The following AKAP19 variants were observed in gnomAD, a reference collection of about 807,000 sequenced individuals.
AKAP19 encodes A-kinase anchoring protein 19, also known as small A-kinase anchoring protein.
At chr2:190,025,913 T>C in the AKAP19 span, among the ~76,000 whole-genome samples, 1 of 152,204 alleles carries the variant, frequency 6.6e-6, no homozygotes, top group Admixed American at 6.5e-5. Context: ...TTAAGATTTA[T>C]TCATATCGTA....
At chr2:190,100,528 A>G in the AKAP19 span, among the ~76,000 whole-genome samples, 2 of 152,212 alleles carry the variant, frequency 1.3e-5, no homozygotes, top group African/African-American at 4.8e-5. Context: ...CATACCATAA[A>G]ACAAATAACT....
chr2:189,946,689 G>A, the AKAP19 span, among the ~76,000 whole-genome samples: 3 of 152,116 alleles, frequency 2.0e-5, no homozygotes, highest in Admixed American at 6.5e-5. Context: ...CAGTAAATAG[G>A]TACATGTGTC....
the AKAP19 span, among the ~76,000 whole-genome samples, chr2:189,971,938 T>G: frequency 6.6e-6 from 1 of 151,864 alleles, no homozygotes; most frequent in Non-Finnish European, 1.5e-5. Flanking sequence ...AGGTTGCCTG[T>G]TCACTCTGAT....
the AKAP19 span, among the ~76,000 whole-genome samples, chr2:189,958,038 C>T: frequency 2.0e-5 from 3 of 152,178 alleles, no homozygotes; most frequent in Admixed American, 6.5e-5. Context: ...AGGTAATCCA[C>T]TCGCCTCAGC....
At chr2:189,997,711 G>T in the AKAP19 span, among the ~76,000 whole-genome samples, 3 of 152,174 alleles carry the variant, frequency 2.0e-5, no homozygotes, top group Non-Finnish European at 4.4e-5. Flanking sequence ...GAGAAGACAA[G>T]CACAGGTTTC....
At chr2:190,076,183 A>T in the AKAP19 span, among the ~76,000 whole-genome samples, 374 of 152,276 alleles carry the variant, frequency 2.5e-3, 2 homozygotes, top group African/African-American at 8.5e-3. Context: ...TCCTGTGTAG[A>T]TAAGTGTTTC....
chr2:190,077,121 G>A, the AKAP19 span, among the ~76,000 whole-genome samples: 1 of 150,790 alleles, frequency 6.6e-6, no homozygotes, highest in Non-Finnish European at 1.5e-5. Context: ...TCATTTTTAT[G>A]TCTTCTATTT....
the AKAP19 span, among the ~76,000 whole-genome samples, chr2:190,190,507 A>G: frequency 6.6e-6 from 1 of 152,216 alleles, no homozygotes; most frequent in Non-Finnish European, 1.5e-5. Context: ...TAAAGAGGCT[A>G]TGGATATTGG....
chr2:189,947,782 C>T, the AKAP19 span, among the ~76,000 whole-genome samples: 1 of 151,996 alleles, frequency 6.6e-6, no homozygotes, highest in African/African-American at 2.4e-5. Flanking sequence ...TAATTCTAAC[C>T]ACTCTAGCTG....
the AKAP19 span, among the ~76,000 whole-genome samples, chr2:190,110,917 C>T: frequency 1.3e-5 from 2 of 152,264 alleles, no homozygotes; most frequent in East Asian, 3.9e-4. Flanking sequence ...CATTGTAGGG[C>T]GGAGAGCTTT....
chr2:190,182,713 A>G, the AKAP19 span, among the ~76,000 whole-genome samples: 1 of 152,360 alleles, frequency 6.6e-6, no homozygotes, highest in South Asian at 2.1e-4. Context: ...GCCATCTTCA[A>G]ATAAAATAAT....
At chr2:190,102,293 C>A in the AKAP19 span, among the ~76,000 whole-genome samples, 1 of 151,734 alleles carries the variant, frequency 6.6e-6, no homozygotes, top group African/African-American at 2.4e-5. Context: ...AAAACAAGAA[C>A]AAACTAACCC....
chr2:190,081,919 C>G, the AKAP19 span, among the ~76,000 whole-genome samples: 1 of 152,150 alleles, frequency 6.6e-6, no homozygotes, highest in African/African-American at 2.4e-5. Flanking sequence ...AAACTGAGTT[C>G]CCAGCCATGA....
the AKAP19 span, among the ~76,000 whole-genome samples, chr2:189,956,197 T>A: frequency 5.4e-5 from 3 of 55,100 alleles, no homozygotes; most frequent in South Asian, 1.7e-3. Flanking sequence ...TGAGACGGAG[T>A]CTCGCTCTGT....
At chr2:189,924,359 A>G in the AKAP19 span, 3 of 810,686 alleles carry the variant, frequency 3.7e-6, no homozygotes, top group Non-Finnish European at 6.1e-6. Context: ...TCCCATGTTC[A>G]TTAATTAATT....
chr2:190,096,771 G>A, the AKAP19 span, among the ~76,000 whole-genome samples: 1 of 152,108 alleles, frequency 6.6e-6, no homozygotes, highest in Non-Finnish European at 1.5e-5. Context: ...GCACCAGTAG[G>A]AGTCAGTCCT....
the AKAP19 span, among the ~76,000 whole-genome samples, chr2:190,105,521 A>T: frequency 6.6e-6 from 1 of 152,208 alleles, no homozygotes; most frequent in Non-Finnish European, 1.5e-5. Flanking sequence ...TAGCCAGTTT[A>T]GACTGAGCTC....
At chr2:189,952,633 A>G in the AKAP19 span, among the ~76,000 whole-genome samples, 18 of 152,376 alleles carry the variant, frequency 1.2e-4, 1 homozygote, top group South Asian at 2.9e-3. Context: ...ACGTTTCAAT[A>G]TCTAAAAATA....
chr2:189,996,510 A>T, the AKAP19 span, among the ~76,000 whole-genome samples: 9 of 151,760 alleles, frequency 5.9e-5, no homozygotes, highest in Non-Finnish European at 8.8e-5. Flanking sequence ...TTGTTTTTTT[A>T]AAATTTACTT....
Sources: allele counts gnomAD v4.1 joint callset (sites outside exome capture counted in the v4.1 genomes callset), GRCh38; gene constraint gnomAD v4.1.1; transcripts MANE v1.5; gene names NCBI Gene and HGNC (gene_info 2026-07-23, HGNC 2026-07-21).